The following HDAC9 variants were observed in gnomAD, a reference collection of about 807,000 sequenced individuals.
HDAC9 encodes histone deacetylase 9, also known as MEF-2 interacting transcription repressor (MITR) protein.
HDAC9 carries 41 observed loss-of-function variants against 139.4 expected under a neutral mutation model. The observed-to-expected ratio is 0.29, with a 90% CI of 0.23 to 0.38. The LOEUF (loss-of-function observed/expected upper bound fraction) is 0.38, where lower values mean the gene tolerates loss of function less well. Ranked by LOEUF, HDAC9 falls within the 10% of genes least tolerant of loss-of-function variation. The pLI is 1.00. For missense variants in HDAC9, 1,147 were observed against 1,297.0 expected (o/e 0.88, Z 1.78); for synonymous variants, 517 against 476.2 (o/e 1.09, Z -1.12).
At chr7:18,384,511 T>G (rs1228658490) in intron 1 of HDAC9, among the ~76,000 whole-genome samples, 1 of 152,192 alleles carries the variant, frequency 6.6e-6, no homozygotes, top group Non-Finnish European at 1.5e-5. Context: ...ACTAATATTT[T>G]TCAATATCAA....
intron 1 of HDAC9, among the ~76,000 whole-genome samples, chr7:18,095,276 G>A (rs1473312198): frequency 6.6e-6 from 1 of 152,066 alleles, no homozygotes; most frequent in Non-Finnish European, 1.5e-5. Context: ...GTAGTTTAGG[G>A]TTATGGCTAT....
chr7:18,776,795 A>G (rs946702272), intron 16 of HDAC9, among the ~76,000 whole-genome samples: 4 of 151,854 alleles, frequency 2.6e-5, no homozygotes, highest in Non-Finnish European at 4.4e-5. Flanking sequence ...TAAGATCCAT[A>G]CTGAGGGTGC....
At chr7:18,748,344 G>A (rs28463874) in intron 13 of HDAC9, among the ~76,000 whole-genome samples, 5,150 of 152,198 alleles carry the variant, frequency 0.034, 295 homozygotes, top group African/African-American at 0.12. Flanking sequence ...TAGTGGCATT[G>A]TAATTTACAT....
At chr7:18,795,047 A>T (rs577269169) in intron 17 of HDAC9, among the ~76,000 whole-genome samples, 25 of 152,294 alleles carry the variant, frequency 1.6e-4, no homozygotes, top group African/African-American at 6.0e-4. Flanking sequence ...GCACGAAGAT[A>T]GTTGAATAAA....
At chr7:18,744,223 C>G (rs1018137092) in intron 13 of HDAC9, among the ~76,000 whole-genome samples, 1 of 152,016 alleles carries the variant, frequency 6.6e-6, no homozygotes. Context: ...AACTCCTGAC[C>G]TCTAGTGATC....
At chr7:18,949,912 T>C (rs1033595169) in intron 23 of HDAC9, 1 of 151,960 alleles carries the variant, frequency 6.6e-6, no homozygotes, top group Non-Finnish European at 1.5e-5. Flanking sequence ...ATAGTGTAAA[T>C]ATATACACAT....
intron 13 of HDAC9, among the ~76,000 whole-genome samples, chr7:18,744,715 C>T (rs1012421947): frequency 4.6e-5 from 7 of 151,956 alleles, no homozygotes; most frequent in Non-Finnish European, 1.0e-4. Context: ...ATGACAACTA[C>T]ATGCAATAAA....
intron 22 of HDAC9, among the ~76,000 whole-genome samples, chr7:18,931,693 A>C (rs1424272551): frequency 1.3e-5 from 2 of 152,176 alleles, no homozygotes; most frequent in South Asian, 4.1e-4. Context: ...TTCAAAATAG[A>C]AGCAACCTAA....
chr7:18,309,705 G>A (rs1799175809), intron 1 of HDAC9, among the ~76,000 whole-genome samples: 1 of 151,980 alleles, frequency 6.6e-6, no homozygotes, highest in Non-Finnish European at 1.5e-5. Context: ...TGTTGTGGTA[G>A]CATGTTATCA....
intron 24 of HDAC9, among the ~76,000 whole-genome samples, chr7:18,957,684 C>T (rs565372645): frequency 7.8e-4 from 119 of 152,240 alleles, no homozygotes; most frequent in African/African-American, 2.2e-3. Context: ...GAGAGTGGGG[C>T]GCTTCGCAAC....
In HDAC9 at chr7:18,908,626, T is replaced by C. The variant is rs558083749; in HGVS notation, c.2804-27183T>C. ...CATCAACTCTTTTGGCTTCCACATG[T>C]AAGTGAGATTGTGCGGTATTTATTT... On this transcript the variant is annotated intron_variant, in intron 22 of 25. Coordinates refer to ENST00000686413, the MANE Select transcript of HDAC9 (RefSeq NM_178425.4). 3.0e-3 allele frequency among the ~76,000 whole-genome samples: 450 copies of C among 152,206 alleles called. 3 individuals carry two copies. The highest frequency in any genetic ancestry group is 9.8e-3 in the African/African-American group (406 of 41,550).
At chr7:18,490,796 T>G (rs1399595094), upstream of HDAC9, among the ~76,000 whole-genome samples, 1 of 151,876 alleles carries the variant, frequency 6.6e-6, no homozygotes, top group South Asian at 2.1e-4. Context: ...TTAACAATAG[T>G]TTGAGGAATG....
At chr7:18,345,401 A>G (rs542132510) in intron 1 of HDAC9, among the ~76,000 whole-genome samples, 2 of 151,932 alleles carry the variant, frequency 1.3e-5, no homozygotes, top group African/African-American at 4.8e-5. Flanking sequence ...TTCCTTTCAT[A>G]TATTAGAACA....
chr7:18,125,940 A>G (rs774683216), intron 1 of HDAC9, among the ~76,000 whole-genome samples: 3 of 152,270 alleles, frequency 2.0e-5, no homozygotes, highest in Non-Finnish European at 2.9e-5. Context: ...TAGTTTGTCA[A>G]CCCTGAGTCT....
chr7:18,290,370 G>T (rs1256354130), upstream of HDAC9: 2 of 437,976 alleles, frequency 4.6e-6, no homozygotes, highest in East Asian at 1.4e-4. Flanking sequence ...CAGTGGGAGG[G>T]ACTGATAAAA....
chr7:18,330,432 G>A (rs1266230300), intron 1 of HDAC9, among the ~76,000 whole-genome samples: 1 of 151,490 alleles, frequency 6.6e-6, no homozygotes, highest in Admixed American at 6.6e-5. Flanking sequence ...AAATAGAACA[G>A]ATATTTTTAA....
chr7:18,843,747 A>G (rs953052683), intron 21 of HDAC9, among the ~76,000 whole-genome samples: 2 of 152,112 alleles, frequency 1.3e-5, no homozygotes, highest in African/African-American at 4.8e-5. Context: ...TTGAGATGAC[A>G]AATAATGTGG....
intron 1 of HDAC9, among the ~76,000 whole-genome samples, chr7:18,112,942 G>A (rs1224091707): frequency 2.6e-5 from 4 of 152,142 alleles, no homozygotes; most frequent in African/African-American, 9.7e-5. Flanking sequence ...TTTTCCTTGA[G>A]TGGAAAGTGA....
chr7:18,623,542 C>A (rs1840806396), intron 6 of HDAC9, among the ~76,000 whole-genome samples: 1 of 152,030 alleles, frequency 6.6e-6, no homozygotes, highest in African/African-American at 2.4e-5. Context: ...ACCAGGTGAG[C>A]CAAGAACCAG....
Sources: gnomAD v4.1 joint callset for allele counts (sites outside exome capture counted in the v4.1 genomes callset) on GRCh38, gnomAD v4.1.1 for gene constraint, MANE v1.5 for transcripts, NCBI Gene and HGNC (gene_info 2026-07-23, HGNC 2026-07-21) for gene names.